CNKSR3: variants seen among roughly 807,000 people sequenced by gnomAD.
CNKSR3 encodes the protein connector enhancer of kinase suppressor of ras 3.
Under a neutral mutation model 67.7 loss-of-function variants are expected in CNKSR3, and 36 were observed. The ratio of observed to expected loss-of-function variants is 0.53; its 90% CI spans 0.41 to 0.70. The LOEUF (loss-of-function observed/expected upper bound fraction) is 0.70, where lower values mean the gene tolerates loss of function less well. CNKSR3 is among the 30% of genes least tolerant of loss of function. The pLI is 0.00. For missense variants in CNKSR3, 630 were observed against 695.2 expected, an observed-to-expected ratio of 0.91 and a Z score of 1.05; for synonymous variants, 281 against 271.4, an observed-to-expected ratio of 1.04 and a Z score of -0.35.
Position 154,406,080 on chromosome 6 carries a change from C to T in CNKSR3, c.*274G>A, listed in dbSNP as rs914071376. On this transcript the variant is annotated 3_prime_UTR_variant, in exon 13 of 13. Coordinates refer to ENST00000607772, the MANE Select transcript of CNKSR3 (RefSeq NM_173515.4). Reference sequence around the variant, plus strand: ...CTGGCCAGGACTGCGATTTCTAGCGCGTGTCTTCACATTCTATCTCTGGGG... The same window carrying T: ...CTGGCCAGGACTGCGATTTCTAGCGTGTGTCTTCACATTCTATCTCTGGGG... 121 of 414,818 alleles carry T rather than the reference C, an allele frequency of 2.9e-4. No individual in the cohort carries two copies. Among genetic ancestry groups the T allele is most frequent in the African/African-American group, 1.6e-3 (82 of 50,228 alleles). 25.7% of individuals were successfully genotyped at this position (414,818 alleles called of 1,614,324 possible).
chr6:154,440,744 C>T (rs1785564273), intron 4 of CNKSR3, among the ~76,000 whole-genome samples: 1 of 152,146 alleles, frequency 6.6e-6, no homozygotes, highest in African/African-American at 2.4e-5. Flanking sequence ...GTCCTGTATA[C>T]ATCTTGAAAT....
At chr6:154,430,235 G>C (rs986861166) in intron 6 of CNKSR3, among the ~76,000 whole-genome samples, 11 of 152,116 alleles carry the variant, frequency 7.2e-5, no homozygotes, top group African/African-American at 2.7e-4. Context: ...TAAAAATAAA[G>C]TGTTATCTTC....
At chr6:154,425,916 G>C (rs901747674) in intron 7 of CNKSR3, among the ~76,000 whole-genome samples, 5 of 152,190 alleles carry the variant, frequency 3.3e-5, no homozygotes, top group African/African-American at 1.2e-4. Context: ...CCTGGAGCTG[G>C]CACTTTCTAC....
chr6:154,418,303 C>T (rs1785064077), intron 9 of CNKSR3, among the ~76,000 whole-genome samples: 1 of 152,174 alleles, frequency 6.6e-6, no homozygotes, highest in Non-Finnish European at 1.5e-5. Context: ...CTCTCCCTTA[C>T]CAGTTTTACT....
chr6:154,464,847 A>G (rs1256250320), intron 1 of CNKSR3, among the ~76,000 whole-genome samples: 5 of 152,074 alleles, frequency 3.3e-5, no homozygotes, highest in African/African-American at 1.2e-4. Flanking sequence ...GGAAAACTTC[A>G]AAGTGGTCTG....
At chr6:154,422,780 T>A (rs1472838527) in intron 8 of CNKSR3, 128 bp from the exon 9 acceptor site, 1 of 1,165,088 alleles carries the variant, frequency 8.6e-7, no homozygotes, top group African/African-American at 1.5e-5. Flanking sequence ...CAGGCGTAAG[T>A]ATGCTCATGT....
rs1458363436 is a variant in CNKSR3, at chr6:154,390,649, G to A, written c.*15705C>T. ...CTCATTTTGAAGTGATAGTCAGCAA[G>A]GCTGTGCATCATTTTGTGTATTAGT... is the stretch of plus-strand genomic sequence containing the variant. On this transcript the variant is annotated 3_prime_UTR_variant, in exon 13 of 13. Transcript: ENST00000607772. The A allele has an allele frequency of 1.3e-5, 2 of 152,160 alleles. No homozygotes were observed. Among genetic ancestry groups the A allele is most frequent in the African/African-American group, 4.8e-5 (2 of 41,432 alleles). The allele number at this position is 152,160 out of a possible 1,614,324, so 9.4% of individuals were successfully genotyped here.
chr6:154,504,052 C>T (rs1787048281), intron 1 of CNKSR3, among the ~76,000 whole-genome samples: 1 of 152,178 alleles, frequency 6.6e-6, no homozygotes, highest in African/African-American at 2.4e-5. Flanking sequence ...TAACAAGCTC[C>T]CAGGTGATGC....
intron 1 of CNKSR3, among the ~76,000 whole-genome samples, chr6:154,503,658 T>C (rs1289216116): frequency 6.7e-6 from 1 of 148,838 alleles, no homozygotes; most frequent in African/African-American, 2.5e-5. Context: ...AAAAAAAGGC[T>C]GTTATAAGAA....
At chr6:154,429,715 C>G (rs983695148) in intron 6 of CNKSR3, among the ~76,000 whole-genome samples, 3 of 152,058 alleles carry the variant, frequency 2.0e-5, no homozygotes, top group Non-Finnish European at 4.4e-5. Flanking sequence ...CCCCCTCCCC[C>G]GTCTCCTCCT....
In CNKSR3 at chr6:154,406,273, C is replaced by T; in HGVS notation, c.*81G>A. 2.3e-6 allele frequency: 3 copies of T among 1,326,666 alleles called. No homozygotes were observed. Among genetic ancestry groups the T allele is most frequent in the Non-Finnish European group, 3.1e-6 (3 of 968,022 alleles). The allele number at this position is 1,326,666 out of a possible 1,614,324, so 82.2% of individuals were successfully genotyped here. A position where few individuals can be genotyped will look rare whatever the true frequency, so the allele number is the denominator to read the frequency against. On this transcript the variant is annotated 3_prime_UTR_variant, in exon 13 of 13. Coordinates refer to ENST00000607772, the MANE Select transcript of CNKSR3 (RefSeq NM_173515.4). The stretch of plus-strand genomic sequence containing the variant: ...ATAAGGTCCCTACATAATACTGAGG[C>T]TGAAACGAGAAGAGGCTGTCCACTG...
chr6:154,424,037 C>T (rs1376603649), intron 7 of CNKSR3, among the ~76,000 whole-genome samples: 11 of 151,992 alleles, frequency 7.2e-5, no homozygotes, highest in Non-Finnish European at 7.4e-5. Flanking sequence ...TCGAGACCAT[C>T]CTGGCTAACA....
chr6:154,423,556 T>G (rs1758815192), intron 7 of CNKSR3, among the ~76,000 whole-genome samples: 1 of 152,058 alleles, frequency 6.6e-6, no homozygotes, highest in African/African-American at 2.4e-5. Flanking sequence ...CCGCGCCCAG[T>G]CTGGACATAC....
chr6:154,411,506 G>A (rs555187447), intron 10 of CNKSR3, among the ~76,000 whole-genome samples: 247 of 152,084 alleles, frequency 1.6e-3, no homozygotes, highest in Non-Finnish European at 2.6e-3. Context: ...AATTAGCCAG[G>A]TGTGGTGGCA....
chr6:154,481,407 T>C lies in CNKSR3; in HGVS notation c.52+28656A>G, dbSNP rs185864244. Among the ~76,000 whole-genome samples, 587 of 151,950 alleles carry C rather than the reference T, an allele frequency of 3.9e-3. 3 individuals carry two copies. The highest frequency in any genetic ancestry group is 0.013 in the African/African-American group (546 of 41,380). On this transcript the variant is annotated intron_variant, in intron 1 of 12. Coordinates refer to ENST00000607772, the MANE Select transcript of CNKSR3 (RefSeq NM_173515.4). ...GTATTTGCTTATTTATTTGTGCTTG[T>C]TTGATATTTATCTATTTTATTTATA...
intron 7 of CNKSR3, among the ~76,000 whole-genome samples, chr6:154,424,478 A>C (rs1043270757): frequency 2.0e-5 from 3 of 152,200 alleles, no homozygotes; most frequent in Non-Finnish European, 4.4e-5. Flanking sequence ...TCTTCAAACA[A>C]TTTCCAAATA....
rs776557964 is a variant in CNKSR3 at position 154,464,608 on chromosome 6, C to T, written c.53-14350G>A. On this transcript the variant is annotated intron_variant, in intron 1 of 12. Transcript: ENST00000607772. ...TTGCTCACCTGTAATCCCAGCTACT[C>T]GGGAGGCTGAGGCAGGGGAATCGCT... Among the ~76,000 whole-genome samples the T allele has an allele frequency of 6.0e-4, 90 of 151,116 alleles. 2 individuals carry two copies. Among genetic ancestry groups the T allele is most frequent in the Non-Finnish European group, 3.0e-4 (20 of 67,766 alleles).
At chr6:154,449,803 T>C (rs907621775) in intron 2 of CNKSR3, among the ~76,000 whole-genome samples, 6 of 152,250 alleles carry the variant, frequency 3.9e-5, no homozygotes, top group Admixed American at 2.6e-4. Flanking sequence ...TCTGTCACTG[T>C]CGCAAGAAAG....
Position 154,393,658 on chromosome 6 carries a change from C to T in CNKSR3, c.*12696G>A, listed in dbSNP as rs1200203135. On this transcript the variant is annotated 3_prime_UTR_variant, in exon 13 of 13. Transcript: ENST00000607772. ...GATGAGGAAAAGTTCTAAGCTTTAG[C>T]GTAGCTGAATTTATTAGTCTTTTCT... The T allele has an allele frequency of 1.3e-5, 2 of 152,134 alleles. No homozygotes were observed. The highest frequency in any genetic ancestry group is 6.5e-5 in the Admixed American group (1 of 15,280). 9.4% of individuals were successfully genotyped at this position (152,134 alleles called of 1,614,324 possible).
Sources: gnomAD v4.1 joint callset for allele counts (sites outside exome capture counted in the v4.1 genomes callset) on GRCh38, gnomAD v4.1.1 for gene constraint, MANE v1.5 for transcripts, NCBI Gene and HGNC (gene_info 2026-07-23, HGNC 2026-07-21) for gene names.